Variants in CADM1 observed in about 807,000 individuals in gnomAD.
The protein encoded by CADM1 is TSLC-1.
A neutral mutation model predicts 53.1 loss-of-function variants in CADM1; 15 were observed. The ratio of observed to expected loss-of-function variants is 0.28; its 90% CI spans 0.19 to 0.44. CADM1 has a LOEUF of 0.44. Ranked by LOEUF, CADM1 falls within the 20% of genes least tolerant of loss-of-function variation. The probability of loss-of-function intolerance (pLI) is 1.00; values close to 1 mark genes in which losing one functional copy is unlikely to be tolerated. For missense variants in CADM1, 434 were observed against 611.3 expected, an observed-to-expected ratio of 0.71 and a Z score of 3.06; for synonymous variants, 281 against 243.0, an observed-to-expected ratio of 1.16 and a Z score of -1.45.
intron 1 of CADM1, among the ~76,000 whole-genome samples, chr11:115,389,095 C>A (rs1488915925): frequency 6.6e-6 from 1 of 151,656 alleles, no homozygotes; most frequent in East Asian, 1.9e-4. Context: ...AGAAAAAATG[C>A]ACAGAGAAAG....
At chr11:115,446,884 C>A (rs1045514792) in intron 1 of CADM1, among the ~76,000 whole-genome samples, 5 of 152,124 alleles carry the variant, frequency 3.3e-5, no homozygotes, top group African/African-American at 9.7e-5. Context: ...CTGCCCCTAC[C>A]CTCCAGGGAA....
intron 10 of CADM1, among the ~76,000 whole-genome samples, chr11:115,184,281 G>A (rs372428988): frequency 3.9e-5 from 6 of 152,160 alleles, no homozygotes; most frequent in Middle Eastern, 3.4e-3. Flanking sequence ...TGTAGCTCCC[G>A]TCCATGGCAA....
At chr11:115,183,913 C>A (rs1290935495) in intron 10 of CADM1, among the ~76,000 whole-genome samples, 1 of 152,200 alleles carries the variant, frequency 6.6e-6, no homozygotes, top group Admixed American at 6.5e-5. Flanking sequence ...CCGTGGATGA[C>A]TGGAGGAAAA....
At chr11:115,332,322 T>C (rs974540496) in intron 1 of CADM1, among the ~76,000 whole-genome samples, 1 of 152,128 alleles carries the variant, frequency 6.6e-6, no homozygotes, top group Non-Finnish European at 1.5e-5. Flanking sequence ...AGGAGACTAA[T>C]AGAGTTTGAA....
chr11:115,287,703 T>C (rs1194374954), intron 1 of CADM1, among the ~76,000 whole-genome samples: 2 of 152,152 alleles, frequency 1.3e-5, no homozygotes, highest in Non-Finnish European at 2.9e-5. Flanking sequence ...CTCAATTATC[T>C]TTACAAAAGG....
chr11:115,300,928 C>A (rs1468027615), intron 1 of CADM1, among the ~76,000 whole-genome samples: 1 of 152,040 alleles, frequency 6.6e-6, no homozygotes, highest in East Asian at 1.9e-4. Context: ...GGGAGTTTCT[C>A]TAACCATCTA....
intron 7 of CADM1, among the ~76,000 whole-genome samples, chr11:115,212,177 G>T (rs1291574224): frequency 6.6e-6 from 1 of 151,576 alleles, no homozygotes; most frequent in Non-Finnish European, 1.5e-5. Context: ...GAGGCTAAAA[G>T]AATAAAATCA....
intron 1 of CADM1, among the ~76,000 whole-genome samples, chr11:115,242,231 C>T (rs2134923342): frequency 6.6e-6 from 1 of 151,844 alleles, no homozygotes; most frequent in Admixed American, 6.6e-5. Context: ...TGCAGGCCCA[C>T]CGGGCTTGCA....
chr11:115,209,444 C>T (rs1044592108), intron 8 of CADM1, 130 bp downstream of exon 8: 4 of 1,333,622 alleles, frequency 3.0e-6, no homozygotes, highest in African/African-American at 1.5e-5. Flanking sequence ...TATCTAATGT[C>T]GTTGGAGTTC....
chr11:115,447,430 C>T (rs1591251417), intron 1 of CADM1, among the ~76,000 whole-genome samples: 1 of 152,278 alleles, frequency 6.6e-6, no homozygotes, highest in South Asian at 2.1e-4. Context: ...GACTTCTGTG[C>T]CCATCATCAG....
chr11:115,247,451 TA>T (rs557864581), intron 1 of CADM1, among the ~76,000 whole-genome samples: 10 of 151,936 alleles, frequency 6.6e-5, no homozygotes, highest in Admixed American at 3.3e-4. Flanking sequence ...AGGCCTGGTT[TA>T]AAAAAAAGGC....
At chr11:115,212,192 G>C (rs536437846) in intron 7 of CADM1, among the ~76,000 whole-genome samples, 5 of 151,874 alleles carry the variant, frequency 3.3e-5, no homozygotes, top group Admixed American at 3.3e-4. Context: ...AAATCAGTTG[G>C]GGCTCAGGCA....
intron 8 of CADM1, among the ~76,000 whole-genome samples, chr11:115,198,861 T>C (rs1270366581): frequency 6.6e-6 from 1 of 152,224 alleles, no homozygotes; most frequent in Non-Finnish European, 1.5e-5. Flanking sequence ...ATTCAAACAT[T>C]GCCTTTGTTT....
intron 1 of CADM1, among the ~76,000 whole-genome samples, chr11:115,433,911 T>C (rs546580296): frequency 7.9e-5 from 12 of 152,324 alleles, no homozygotes; most frequent in African/African-American, 2.9e-4. Context: ...ACTCAATTAT[T>C]TTAATAGGAT....
intron 1 of CADM1, among the ~76,000 whole-genome samples, chr11:115,413,224 T>A (rs1421916456): frequency 6.6e-6 from 1 of 152,176 alleles, no homozygotes; most frequent in African/African-American, 2.4e-5. Context: ...ATATTATTAG[T>A]TTTTTATATA....
At chr11:115,274,415 G>T (rs1838155401) in intron 1 of CADM1, among the ~76,000 whole-genome samples, 1 of 152,212 alleles carries the variant, frequency 6.6e-6, no homozygotes, top group South Asian at 2.1e-4. Context: ...AGGGAGATTT[G>T]TCCCTTGAAA....
At chr11:115,417,641 G>A (rs1427094696) in intron 1 of CADM1, among the ~76,000 whole-genome samples, 1 of 152,216 alleles carries the variant, frequency 6.6e-6, no homozygotes, top group Admixed American at 6.5e-5. Flanking sequence ...GGCGTACACG[G>A]TGTGGAGATG....
At chr11:115,329,247 T>C (rs1945067844) in intron 1 of CADM1, among the ~76,000 whole-genome samples, 1 of 152,190 alleles carries the variant, frequency 6.6e-6, no homozygotes, top group Non-Finnish European at 1.5e-5. Context: ...GGTATATCAG[T>C]ACCCAAGATC....
chr11:115,331,002 G>C (rs192257930), intron 1 of CADM1, among the ~76,000 whole-genome samples: 12 of 152,296 alleles, frequency 7.9e-5, no homozygotes, highest in African/African-American at 2.6e-4. Context: ...AAACAGGGAA[G>C]TGAAGAGGAG....
Sources: gnomAD v4.1 joint callset for allele counts (sites outside exome capture counted in the v4.1 genomes callset) on GRCh38, gnomAD v4.1.1 for gene constraint, MANE v1.5 for transcripts, NCBI Gene and HGNC (gene_info 2026-07-23, HGNC 2026-07-21) for gene names.